Variants in PITPNB observed in about 807,000 individuals in gnomAD.
PITPNB encodes phosphatidylinositol transfer protein beta.
Under a neutral mutation model 45.9 loss-of-function variants are expected in PITPNB, and 16 were observed. The observed-to-expected ratio is 0.35, with a 90% CI of 0.24 to 0.53. PITPNB has a LOEUF of 0.53. Ranked by LOEUF, PITPNB falls within the 20% of genes least tolerant of loss-of-function variation. The pLI is 0.93. For missense variants in PITPNB, 188 were observed against 330.5 expected (o/e 0.57, Z 3.34); for synonymous variants, 112 against 108.9 (o/e 1.03, Z -0.18).
In PITPNB at chr22:27,852,000, A is replaced by T. The variant is rs937000135; in HGVS notation, c.*1702T>A. The T allele has an allele frequency of 6.6e-6, 1 of 152,214 alleles. No individual in the cohort carries two copies. The highest frequency in any genetic ancestry group is 2.4e-5 in the African/African-American group (1 of 41,446). 9.4% of individuals were successfully genotyped at this position (152,214 alleles called of 1,614,324 possible). A position where few individuals can be genotyped will look rare whatever the true frequency, so the allele number is the denominator to read the frequency against. ...TATGCTCTGACAAAACCTATCTTAC[A>T]ACAGTGCCCAGAGAGTAAACATCAG... On this transcript the variant is annotated 3_prime_UTR_variant, in exon 12 of 12. Coordinates refer to ENST00000335272, the MANE Select transcript of PITPNB (RefSeq NM_012399.5).
chr22:27,891,070 G>C (rs1244246313), intron 7 of PITPNB, among the ~76,000 whole-genome samples: 1 of 152,214 alleles, frequency 6.6e-6, no homozygotes, highest in African/African-American at 2.4e-5. Context: ...CAGAGGTTAG[G>C]GGGAAGGAGA....
chr22:27,858,162 C>T (rs1934224723), intron 10 of PITPNB, among the ~76,000 whole-genome samples: 1 of 152,152 alleles, frequency 6.6e-6, no homozygotes, highest in African/African-American at 2.4e-5. Flanking sequence ...CAATTCTAGA[C>T]TGAGAAAACT....
At chr22:27,878,229 T>C (rs558773662) in intron 7 of PITPNB, among the ~76,000 whole-genome samples, 1 of 152,274 alleles carries the variant, frequency 6.6e-6, no homozygotes, top group East Asian at 1.9e-4. Flanking sequence ...ATAACAAACA[T>C]CATTTATTAG....
rs1569041337 is a variant in PITPNB, at chr22:27,919,223, T to A, written c.-32A>T. 2 of 1,589,780 alleles carry A rather than the reference T, an allele frequency of 1.3e-6. No individual in the cohort carries two copies. The highest frequency in any genetic ancestry group is 3.3e-5 in the Admixed American group (2 of 59,980). On this transcript the variant is annotated 5_prime_UTR_variant, in exon 1 of 12. Coordinates refer to ENST00000335272, the MANE Select transcript of PITPNB (RefSeq NM_012399.5). ...GGAACCCCCTCACAGCTGCCGCCGA[T>A]ACCACCGCCGCCGCCGCCGCTACCG...
chr22:27,877,426 A>G (rs1210876610), intron 7 of PITPNB, among the ~76,000 whole-genome samples: 1 of 152,236 alleles, frequency 6.6e-6, no homozygotes, highest in Non-Finnish European at 1.5e-5. Flanking sequence ...TTCGGAGAAC[A>G]AAACAAAATA....
chr22:27,867,621 G>T (rs1934523164), intron 8 of PITPNB, among the ~76,000 whole-genome samples: 1 of 152,134 alleles, frequency 6.6e-6, no homozygotes, highest in African/African-American at 2.4e-5. Context: ...ATGCTTGTGG[G>T]TGATTACTCC....
At chr22:27,887,639 G>A (rs1427193993) in intron 7 of PITPNB, among the ~76,000 whole-genome samples, 4 of 151,958 alleles carry the variant, frequency 2.6e-5, no homozygotes. Context: ...CCACTTACTG[G>A]CCTATTCATA....
At chr22:27,864,615 G>A (rs566214977) in intron 8 of PITPNB, among the ~76,000 whole-genome samples, 2 of 152,158 alleles carry the variant, frequency 1.3e-5, no homozygotes, top group African/African-American at 2.4e-5. Flanking sequence ...CCTTCCATAC[G>A]ATGGGCTATT....
At chr22:27,894,663 A>T (rs776572056) in intron 6 of PITPNB, 25 bp from the exon 7 acceptor site, 4 of 1,288,776 alleles carry the variant, frequency 3.1e-6, no homozygotes, top group Non-Finnish European at 4.5e-6. Context: ...GAGAAAAGAA[A>T]CAAAACAAAC....
chr22:27,881,812 A>C (rs755840881), intron 7 of PITPNB, among the ~76,000 whole-genome samples: 7 of 152,182 alleles, frequency 4.6e-5, no homozygotes, highest in Non-Finnish European at 1.0e-4. Context: ...AATTTGGAGG[A>C]TATATTAGGT....
chr22:27,889,033 A>G (rs557509623), intron 7 of PITPNB, among the ~76,000 whole-genome samples: 2 of 152,316 alleles, frequency 1.3e-5, no homozygotes, highest in South Asian at 4.1e-4. Context: ...CCCTGAAACC[A>G]AAATTTCTGT....
chr22:27,863,115 T>C (rs1025275441), intron 8 of PITPNB, among the ~76,000 whole-genome samples: 1 of 152,174 alleles, frequency 6.6e-6, no homozygotes. Flanking sequence ...CAATACAACT[T>C]GGGTATATGT....
At chr22:27,896,060 C>A (rs1024624151) in intron 6 of PITPNB, among the ~76,000 whole-genome samples, 1 of 152,212 alleles carries the variant, frequency 6.6e-6, no homozygotes, top group Non-Finnish European at 1.5e-5. Flanking sequence ...TGTGAACCAA[C>A]TTATATAAGT....
chr22:27,878,411 A>G (rs1022112106), intron 7 of PITPNB, among the ~76,000 whole-genome samples: 1 of 152,262 alleles, frequency 6.6e-6, no homozygotes, highest in Admixed American at 6.5e-5. Context: ...GCAAAAGCAA[A>G]TAACAGAGGT....
At chr22:27,889,378 G>GT (rs1317387573) in intron 7 of PITPNB, among the ~76,000 whole-genome samples, 1 of 152,062 alleles carries the variant, frequency 6.6e-6, no homozygotes, top group East Asian at 1.9e-4. Context: ...TTCAGACAGT[G>GT]TTATAGGATC....
intron 11 of PITPNB, among the ~76,000 whole-genome samples, chr22:27,854,300 A>C (rs1934111090): frequency 6.6e-6 from 1 of 152,074 alleles, no homozygotes; most frequent in South Asian, 2.1e-4. Context: ...TTAGAGAAAT[A>C]AGACCACAAA....
intron 3 of PITPNB, among the ~76,000 whole-genome samples, chr22:27,905,473 G>A (rs183905520): frequency 1.8e-4 from 28 of 152,248 alleles, no homozygotes; most frequent in African/African-American, 6.7e-4. Context: ...TGTGCAAGAT[G>A]CTCTCTGAAT....
intron 1 of PITPNB, among the ~76,000 whole-genome samples, chr22:27,918,181 G>C (rs1936141250): frequency 1.3e-5 from 2 of 152,168 alleles, no homozygotes; most frequent in South Asian, 2.1e-4. Flanking sequence ...GGGAGTCTTT[G>C]GGAGGTATTA....
At chr22:27,897,952 A>G in intron 3 of PITPNB, 60 bp from the exon 4 acceptor site, 1 of 1,148,166 alleles carries the variant, frequency 8.7e-7, no homozygotes, top group South Asian at 1.2e-5. Context: ...CTTGGTATCT[A>G]TCCAACTGCT....
Sources: gnomAD v4.1 joint callset for allele counts (sites outside exome capture counted in the v4.1 genomes callset) on GRCh38, gnomAD v4.1.1 for gene constraint, MANE v1.5 for transcripts, NCBI Gene and HGNC (gene_info 2026-07-23, HGNC 2026-07-21) for gene names.